AEBP2: variants seen among roughly 807,000 people sequenced by gnomAD.
AEBP2 encodes the protein AE binding protein 2, also known as zinc finger protein AEBP2.
AEBP2 carries 10 observed loss-of-function variants against 50.8 expected under a neutral mutation model. That is an observed-to-expected ratio of 0.20 (90% confidence interval 0.12 to 0.33). AEBP2 has a LOEUF of 0.33. Ranked by LOEUF, AEBP2 falls within the 10% of genes least tolerant of loss-of-function variation. The pLI is 1.00. For missense variants in AEBP2, 570 were observed against 688.0 expected (o/e 0.83, Z 1.92); for synonymous variants, 296 against 261.3 (o/e 1.13, Z -1.28).
At chr12:19,511,365 T>G (rs1034033470) in intron 5 of AEBP2, among the ~76,000 whole-genome samples, 1 of 152,188 alleles carries the variant, frequency 6.6e-6, no homozygotes, top group Non-Finnish European at 1.5e-5. Flanking sequence ...ATTTCTATTA[T>G]GTTCCATAGT....
chr12:19,508,132 A>T (rs1949178718), intron 5 of AEBP2, among the ~76,000 whole-genome samples: 1 of 152,146 alleles, frequency 6.6e-6, no homozygotes, highest in African/African-American at 2.4e-5. Flanking sequence ...GCAGCTCCAG[A>T]CCTGTGTTTG....
At position 19,521,859 on chromosome 12, in the gene AEBP2, G is replaced by A. The variant is rs1383927526; in HGVS notation, c.*3742G>A. On this transcript the variant is annotated 3_prime_UTR_variant, in exon 8 of 8. Coordinates refer to ENST00000266508, the MANE Select transcript of AEBP2 (RefSeq NM_153207.5). ...TTAAAATATAAAAATGAGAAAATAT[G>A]TATTAAAAATACTTGATAGAGGGTT... 1.3e-5 allele frequency: 2 copies of A among 151,992 alleles called. No homozygotes were observed. Among genetic ancestry groups the A allele is most frequent in the South Asian group, 2.1e-4 (1 of 4,830 alleles). 9.4% of individuals were successfully genotyped at this position (151,992 alleles called of 1,614,324 possible). A position where few individuals can be genotyped will look rare whatever the true frequency, so the allele number is the denominator to read the frequency against.
intron 1 of AEBP2, among the ~76,000 whole-genome samples, chr12:19,445,607 G>A (rs1335454292): frequency 1.3e-5 from 2 of 152,130 alleles, no homozygotes; most frequent in African/African-American, 4.8e-5. Context: ...CTGCACAAAT[G>A]AATTGATAAT....
rs965922590 is a variant in AEBP2, at chr12:19,521,050, A to G, written c.*2933A>G. 14 of 152,214 alleles carry G rather than the reference A, an allele frequency of 9.2e-5. No homozygotes were observed. The highest frequency in any genetic ancestry group is 2.9e-4 in the African/African-American group (12 of 41,448). The allele number at this position is 152,214 out of a possible 1,614,324, so 9.4% of individuals were successfully genotyped here. A position where few individuals can be genotyped will look rare whatever the true frequency, so the allele number is the denominator to read the frequency against. ...CGCATTTCTGAGTCTCATTATGTAT[A>G]TGCAGATACTCAAAAATCTGAAAAA... On this transcript the variant is annotated 3_prime_UTR_variant, in exon 8 of 8. Coordinates refer to ENST00000266508, the MANE Select transcript of AEBP2 (RefSeq NM_153207.5).
chr12:19,415,675 A>ACAATACAATG (rs2095742162), intron 1 of AEBP2, among the ~76,000 whole-genome samples: 1 of 149,308 alleles, frequency 6.7e-6, no homozygotes, highest in Non-Finnish European at 1.5e-5. Flanking sequence ...ACAATACAAT[A>ACAATACAATG]CAATACAATA....
upstream of AEBP2, among the ~76,000 whole-genome samples, chr12:19,435,938 C>G (rs1029023628): frequency 3.9e-5 from 6 of 152,062 alleles, no homozygotes; most frequent in African/African-American, 1.2e-4. Context: ...CAGAGGTGTT[C>G]GAACCACAGC....
intron 5 of AEBP2, among the ~76,000 whole-genome samples, chr12:19,509,828 T>C (rs1592782820): frequency 1.5e-5 from 2 of 134,702 alleles, no homozygotes; most frequent in African/African-American, 2.9e-5. Context: ...TTCTTTTTTT[T>C]TTTTTTTTTT....
At position 19,439,813 on chromosome 12, in the gene AEBP2, G is replaced by A. The variant is rs1565702056; in HGVS notation, c.114G>A (p.Glu38=). 8.6e-6 allele frequency: 13 copies of A among 1,509,826 alleles called. No individual in the cohort carries two copies. The highest frequency in any genetic ancestry group is 5.4e-5 in the East Asian group (2 of 37,144). 93.5% of individuals were successfully genotyped at this position (1,509,826 alleles called of 1,614,324 possible). A position where few individuals can be genotyped will look rare whatever the true frequency, so the allele number is the denominator to read the frequency against. ...AARGRAEPPE[E]EEEEEEEEEE... ...GGGGCCGGGCTGAGCCCCCCGAGGA[G>A]GAGGAGGAAGAGGAGGAGGAGGAAG... Residue 38 remains glutamate, a synonymous_variant, in exon 1 of 8, where the codon GAG becomes GAA. Coordinates refer to ENST00000266508, the MANE Select transcript of AEBP2 (RefSeq NM_153207.5).
In AEBP2 at chr12:19,439,886, A is replaced by C. The variant is rs2153365902; in HGVS notation, c.187A>C (p.Ser63Arg). 1.3e-6 allele frequency: 2 copies of C among 1,482,838 alleles called. No homozygotes were observed. Among genetic ancestry groups the C allele is most frequent in the South Asian group, 2.6e-5 (2 of 77,748 alleles). 91.9% of individuals were successfully genotyped at this position (1,482,838 alleles called of 1,614,324 possible). The change falls in exon 1 of 8, where the codon AGC becomes CGC. Residue 63 changes from serine (S) to arginine (R), a missense_variant. Ser to Arg is a moderately radical substitution (Grantham distance 110, BLOSUM62 -1). Transcript: ENST00000266508. ...AVAALLLNGG[S>R]GGGGGGGGGG... Reference sequence around the variant, plus strand: ...GGCGGCGCTGCTGCTGAACGGCGGCAGCGGTGGGGGCGGCGGAGGCGGCGG... The same window carrying C: ...GGCGGCGCTGCTGCTGAACGGCGGCCGCGGTGGGGGCGGCGGAGGCGGCGG...
At chr12:19,466,970 C>A in intron 2 of AEBP2, 1 of 242,950 alleles carries the variant, frequency 4.1e-6, no homozygotes, top group Non-Finnish European at 6.6e-6. Flanking sequence ...TTTTTTCCCC[C>A]TTTTAAGTTG....
intron 3 of AEBP2, among the ~76,000 whole-genome samples, chr12:19,485,509 C>T (rs775530250): frequency 1.3e-5 from 2 of 151,796 alleles, no homozygotes; most frequent in Non-Finnish European, 2.9e-5. Flanking sequence ...GAGTTTGAGA[C>T]CAGCCTGGGC....
At chr12:19,494,992 C>T (rs907394926) in intron 4 of AEBP2, among the ~76,000 whole-genome samples, 2 of 150,604 alleles carry the variant, frequency 1.3e-5, no homozygotes, top group Non-Finnish European at 3.0e-5. Flanking sequence ...CTGCAACCTC[C>T]GACTTCCGGG....
intron 2 of AEBP2, among the ~76,000 whole-genome samples, chr12:19,463,964 C>T (rs1241863863): frequency 6.6e-6 from 1 of 152,138 alleles, no homozygotes; most frequent in Non-Finnish European, 1.5e-5. Context: ...CCGTGTGTGA[C>T]CGAAATTTCT....
chr12:19,508,718 G>A (rs1465639728), intron 5 of AEBP2, among the ~76,000 whole-genome samples: 2 of 152,030 alleles, frequency 1.3e-5, no homozygotes, highest in Non-Finnish European at 2.9e-5. Context: ...TAGACTGATT[G>A]GCCTACCTTT....
Position 19,440,271 on chromosome 12 carries a change from C to T in AEBP2, c.572C>T (p.Thr191Ile). ...VSSGGDEGYG[T>I]GGGGSSATSG... The stretch of plus-strand genomic sequence containing the variant: ...AGCGGCGGCGACGAGGGCTACGGGA[C>T]TGGGGGAGGCGGAAGCAGCGCGACC... The change falls in exon 1 of 8, where the codon ACT (threonine) becomes ATT (isoleucine). Residue 191 changes from threonine (T) to isoleucine (I), a missense_variant. By Grantham distance (89) the Thr-to-Ile change is moderately conservative. This residue lies in a region of AEBP2 where 386 missense variants were observed against 336.8 expected (regional missense o/e 1.15). Coordinates refer to ENST00000266508, the MANE Select transcript of AEBP2 (RefSeq NM_153207.5). 1 of 1,465,750 alleles carries T rather than the reference C, an allele frequency of 6.8e-7. No homozygotes were observed. The highest frequency in any genetic ancestry group is 8.9e-7 in the Non-Finnish European group (1 of 1,117,956). 90.8% of individuals were successfully genotyped at this position (1,465,750 alleles called of 1,614,324 possible).
chr12:19,436,611 G>A (rs1389857321), upstream of AEBP2, among the ~76,000 whole-genome samples: 3 of 145,594 alleles, frequency 2.1e-5, no homozygotes, highest in Non-Finnish European at 4.5e-5. Flanking sequence ...GGGGGGATAA[G>A]GTCTTACTCT....
Position 19,512,444 on chromosome 12 carries a change from T to A in AEBP2, c.1346T>A (p.Leu449His). The change falls in exon 6 of 8, where the codon CTT becomes CAT. Residue 449 changes from leucine (L) to histidine (H), a missense_variant. By Grantham distance (99) the Leu-to-His change is moderately conservative. Coordinates refer to ENST00000266508, the MANE Select transcript of AEBP2 (RefSeq NM_153207.5). ...GATTCTGGGAAGATCAAACTTTTGC[T>A]TCATTGGATGCCTGAAGACATGTAA... The part of the protein sequence containing the change: ...KEDSGKIKLL[L>H]HWMPEDILPD... 6.3e-7 allele frequency: 1 copy of A among 1,579,172 alleles called. No homozygotes were observed. Among genetic ancestry groups the A allele is most frequent in the Non-Finnish European group, 8.6e-7 (1 of 1,160,346 alleles).
intron 1 of AEBP2, among the ~76,000 whole-genome samples, chr12:19,407,823 C>T (rs1001617753): frequency 7.2e-5 from 11 of 152,038 alleles, no homozygotes; most frequent in Admixed American, 2.6e-4. Context: ...CCGAGGCGGG[C>T]GGGTCACCTG....
chr12:19,503,556 A>G (rs1317875719), intron 5 of AEBP2, among the ~76,000 whole-genome samples: 2 of 152,246 alleles, frequency 1.3e-5, no homozygotes, highest in African/African-American at 4.8e-5. Context: ...CAGTGAAGAA[A>G]GTAAATTCGA....
Sources: gnomAD v4.1 joint callset for allele counts (sites outside exome capture counted in the v4.1 genomes callset) on GRCh38, gnomAD v4.1.1 for gene constraint, gnomAD v4.1.1 regional missense constraint, MANE v1.5 for transcripts, NCBI Gene and HGNC (gene_info 2026-07-23, HGNC 2026-07-21) for gene names.